DNAH6: variants seen among roughly 807,000 people sequenced by gnomAD.
DNAH6 encodes the protein dynein axonemal heavy chain 6, also known as axonemal beta dynein heavy chain 6.
In DNAH6, 340 loss-of-function variants were observed where a neutral mutation model predicts 491.4. That is an observed-to-expected ratio of 0.69 (90% CI 0.63 to 0.76). DNAH6 has a LOEUF of 0.76. DNAH6 is among the 30% of genes least tolerant of loss of function. DNAH6 has a pLI of 0.00. For synonymous variants in DNAH6, 1,603 were observed against 1,686.1 expected (o/e 0.95, Z 1.21); for missense variants, 4,443 against 4,972.2 (o/e 0.89, Z 3.20).
chr2:84,597,491 T>A (rs908790136), intron 18 of DNAH6, among the ~76,000 whole-genome samples: 1 of 152,202 alleles, frequency 6.6e-6, no homozygotes, highest in Admixed American at 6.5e-5. Context: ...AAATTAGAAC[T>A]TCCACATGTT....
intron 33 of DNAH6, among the ~76,000 whole-genome samples, chr2:84,650,611 G>A (rs1364556712): frequency 6.6e-6 from 1 of 151,796 alleles, no homozygotes; most frequent in African/African-American, 2.4e-5. Flanking sequence ...TCTCACCTGT[G>A]TGTAGTCACA....
chr2:84,804,153 T>C (rs11688720), intron 70 of DNAH6, among the ~76,000 whole-genome samples: 37,625 of 142,922 alleles, frequency 0.26, 5,442 homozygotes, highest in African/African-American at 0.43. Context: ...TTGCAGTGAG[T>C]CAAGATCACG....
chr2:84,484,988 A>G, the DNAH6 span, among the ~76,000 whole-genome samples: 1 of 152,202 alleles, frequency 6.6e-6, no homozygotes, highest in African/African-American at 2.4e-5. Context: ...GCTTCGGGAA[A>G]TTCAAGAGAG....
At chr2:84,492,226 G>T in the DNAH6 span, among the ~76,000 whole-genome samples, 6 of 151,718 alleles carry the variant, frequency 4.0e-5, no homozygotes, top group Non-Finnish European at 7.4e-5. Context: ...TTCAGATAAT[G>T]ACACTGTTTT....
chr2:84,747,782 A>T (rs1392838199), intron 63 of DNAH6, among the ~76,000 whole-genome samples: 2 of 152,036 alleles, frequency 1.3e-5, no homozygotes, highest in African/African-American at 4.8e-5. Flanking sequence ...TTTCCAATAC[A>T]TCCAATACAT....
intron 2 of DNAH6, among the ~76,000 whole-genome samples, chr2:84,522,770 T>C (rs916299029): frequency 2.0e-5 from 3 of 152,176 alleles, no homozygotes; most frequent in Non-Finnish European, 4.4e-5. Context: ...ATCACATTTA[T>C]TGATTTGCAT....
At chr2:84,562,075 CTG>C (rs1170318345) in intron 11 of DNAH6, among the ~76,000 whole-genome samples, 3 of 151,812 alleles carry the variant, frequency 2.0e-5, no homozygotes, top group African/African-American at 7.3e-5. Flanking sequence ...AATAGTGCAA[CTG>C]TAAAAATAGA....
At chr2:84,460,798 C>A in the DNAH6 span, among the ~76,000 whole-genome samples, 2 of 152,320 alleles carry the variant, frequency 1.3e-5, no homozygotes. Context: ...CGCAGGCCTC[C>A]ATAACAATGT....
the DNAH6 span, among the ~76,000 whole-genome samples, chr2:84,484,516 GA>G: frequency 1.3e-5 from 2 of 152,164 alleles, no homozygotes; most frequent in African/African-American, 4.8e-5. Context: ...GGTTGTGGGG[GA>G]AAGTTTCTTC....
At chr2:84,520,999 C>T (rs1383258186) in intron 2 of DNAH6, among the ~76,000 whole-genome samples, 1 of 151,992 alleles carries the variant, frequency 6.6e-6, no homozygotes, top group African/African-American at 2.4e-5. Context: ...CTACTTTCCA[C>T]AATGGTTGTT....
intron 5 of DNAH6, among the ~76,000 whole-genome samples, chr2:84,544,799 T>C (rs904195792): frequency 2.0e-5 from 3 of 152,150 alleles, no homozygotes; most frequent in African/African-American, 4.8e-5. Context: ...AGGAAAGTTA[T>C]ATGTCATTTT....
At chr2:84,659,826 T>A (rs1691322985) in intron 37 of DNAH6, among the ~76,000 whole-genome samples, 1 of 152,004 alleles carries the variant, frequency 6.6e-6, no homozygotes, top group African/African-American at 2.4e-5. Context: ...TACAAAAAAT[T>A]TTTTTAGTAT....
chr2:84,658,248 A>C, intron 35 of DNAH6, 44 bp from the exon 36 acceptor site: 1 of 1,311,242 alleles, frequency 7.6e-7, no homozygotes, highest in Non-Finnish European at 1.0e-6. Context: ...ACTTAATTAT[A>C]TATTTATCAG....
chr2:84,794,191 G>A (rs886903917), intron 68 of DNAH6, among the ~76,000 whole-genome samples: 1 of 152,192 alleles, frequency 6.6e-6, no homozygotes, highest in African/African-American at 2.4e-5. Flanking sequence ...ATGGATTAAA[G>A]ACTTAAACGT....
rs1358517268 is a variant in DNAH6 at position 84,713,092 on chromosome 2, A to G, written c.9379-3A>G. The G allele has an allele frequency of 6.5e-7, 1 of 1,546,960 alleles. No individual in the cohort carries two copies. Among genetic ancestry groups the G allele is most frequent in the South Asian group, 1.2e-5 (1 of 83,428 alleles). ...ATTGTCCTGTTTTGTTTTAATTTCT[A>G]AGCTTAAGGAAACCTTGGATCCAGC... On this transcript the variant is annotated splice_polypyrimidine_tract_variant and splice_region_variant and intron_variant, in intron 56 of 76. Transcript: ENST00000389394.
At chr2:84,545,646 C>G (rs1288002259) in intron 5 of DNAH6, among the ~76,000 whole-genome samples, 2 of 152,106 alleles carry the variant, frequency 1.3e-5, no homozygotes, top group Non-Finnish European at 2.9e-5. Context: ...TTAGTCCCAG[C>G]AGACTAGAAA....
rs1683318263 is a variant in DNAH6, at chr2:84,584,240, T to G, written c.2471T>G (p.Leu824Arg). 6.2e-7 allele frequency: 1 copy of G among 1,613,876 alleles called. No individual in the cohort carries two copies. Among genetic ancestry groups the G allele is most frequent in the Non-Finnish European group, 8.5e-7 (1 of 1,179,828 alleles). ...ELNNEVNEVK[L>R]QAQDPQILDI... is the part of the protein sequence containing the mutation. The stretch of plus-strand genomic sequence containing the variant: ...AACAACGAAGTGAATGAAGTAAAAC[T>G]GCAAGCACAGGTAAGCTAAATCATT... The change falls in exon 15 of 77, where the codon CTG (leucine) becomes CGG (arginine). Residue 824 changes from leucine to arginine, a missense_variant. Leu to Arg is a moderately radical substitution (Grantham distance 102). Coordinates refer to ENST00000389394, the MANE Select transcript of DNAH6 (RefSeq NM_001370.2).
intron 21 of DNAH6, among the ~76,000 whole-genome samples, chr2:84,610,210 A>G (rs1686191879): frequency 6.6e-6 from 1 of 152,210 alleles, no homozygotes; most frequent in Non-Finnish European, 1.5e-5. Flanking sequence ...TGTTGCCAAC[A>G]GCTTTTTCTT....
At chr2:84,480,519 A>G in the DNAH6 span, among the ~76,000 whole-genome samples, 1 of 152,242 alleles carries the variant, frequency 6.6e-6, no homozygotes, top group Non-Finnish European at 1.5e-5. Context: ...TATGTGGATT[A>G]AATGAAATAA....
Sources: allele counts gnomAD v4.1 joint callset (sites outside exome capture counted in the v4.1 genomes callset), GRCh38; gene constraint gnomAD v4.1.1; transcripts MANE v1.5; gene names NCBI Gene and HGNC (gene_info 2026-07-23, HGNC 2026-07-21).